The following TWIST2 variants were observed in gnomAD, a reference collection of about 807,000 sequenced individuals.
TWIST2 encodes the protein twist family bHLH transcription factor 2.
Under a neutral mutation model 11.6 loss-of-function variants are expected in TWIST2, and 1 was observed. The observed-to-expected ratio is 0.09, with a 90% CI of 0.03 to 0.41. The LOEUF is 0.41. Among genes scored for constraint, TWIST2 ranks in the 10% least tolerant of loss-of-function variants. The probability of loss-of-function intolerance (pLI) is 0.98; values close to 1 mark genes in which losing one functional copy is unlikely to be tolerated. For missense variants in TWIST2, 168 were observed against 226.4 expected (o/e 0.74, Z 1.66); for synonymous variants, 87 against 96.6 (o/e 0.90, Z 0.58).
intron 1 of TWIST2, among the ~76,000 whole-genome samples, chr2:238,872,645 G>A (rs1306762955): frequency 1.3e-5 from 2 of 152,212 alleles, no homozygotes; most frequent in South Asian, 2.1e-4. Context: ...TTGAAGCTGT[G>A]AGTTATTAAA....
At chr2:238,873,644 C>T (rs968834690) in intron 1 of TWIST2, among the ~76,000 whole-genome samples, 6 of 152,102 alleles carry the variant, frequency 3.9e-5, no homozygotes, top group South Asian at 2.1e-4. Flanking sequence ...CAGGTGGGTC[C>T]GAGCGCTCCT....
At chr2:238,883,126 C>A (rs1003517647) in intron 1 of TWIST2, among the ~76,000 whole-genome samples, 1 of 152,208 alleles carries the variant, frequency 6.6e-6, no homozygotes, top group Non-Finnish European at 1.5e-5. Context: ...TCTGAACCTC[C>A]ATTTTCTGCT....
At chr2:238,861,352 C>T (rs565664753) in intron 1 of TWIST2, among the ~76,000 whole-genome samples, 41 of 152,198 alleles carry the variant, frequency 2.7e-4, no homozygotes, top group African/African-American at 4.3e-4. Context: ...ACTTCTGCTT[C>T]GTGGTAACTA....
At chr2:238,894,203 C>T in intron 1 of TWIST2, among the ~76,000 whole-genome samples, 1 of 152,302 alleles carries the variant, frequency 6.6e-6, no homozygotes. Context: ...AAGCCCCCAC[C>T]CTCTTCCGGG....
At chr2:238,850,223 G>A (rs1039426367) in intron 1 of TWIST2, among the ~76,000 whole-genome samples, 1 of 152,186 alleles carries the variant, frequency 6.6e-6, no homozygotes, top group Non-Finnish European at 1.5e-5. Context: ...AAAATAACTT[G>A]TGGGAATCTT....
intron 1 of TWIST2, among the ~76,000 whole-genome samples, chr2:238,895,859 A>G (rs1054995271): frequency 3.3e-5 from 5 of 152,142 alleles, no homozygotes; most frequent in East Asian, 1.9e-4. Flanking sequence ...GGTCCGCTGC[A>G]GACAAGCTCG....
At chr2:238,896,735 G>T (rs1693211828) in intron 1 of TWIST2, among the ~76,000 whole-genome samples, 1 of 152,208 alleles carries the variant, frequency 6.6e-6, no homozygotes. Flanking sequence ...CTCCACAGGG[G>T]AATGGGGCCA....
At chr2:238,898,052 C>T (rs1232096254) in intron 1 of TWIST2, among the ~76,000 whole-genome samples, 2 of 152,228 alleles carry the variant, frequency 1.3e-5, no homozygotes, top group Non-Finnish European at 1.5e-5. Flanking sequence ...GCCCTCCTGC[C>T]TGCCTGAGAC....
chr2:238,889,910 T>A (rs1693102004), intron 1 of TWIST2, among the ~76,000 whole-genome samples: 1 of 152,234 alleles, frequency 6.6e-6, no homozygotes, highest in Non-Finnish European at 1.5e-5. Flanking sequence ...AGAACCCACA[T>A]GTCGGCGAGG....
At chr2:238,851,373 C>T (rs1309178504) in intron 1 of TWIST2, among the ~76,000 whole-genome samples, 1 of 152,184 alleles carries the variant, frequency 6.6e-6, no homozygotes, top group African/African-American at 2.4e-5. Context: ...AGAAAAATCT[C>T]AAAAGGATTT....
chr2:238,866,919 C>G lies in TWIST2; in HGVS notation c.*35+18186C>G, dbSNP rs1692549047. ...TTGTCATGTATCCGGATGCCCGGCTCAGCCCATGCCCTGCACAAGTGGGGG... is the reference window on the plus strand; with the variant it reads ...TTGTCATGTATCCGGATGCCCGGCTGAGCCCATGCCCTGCACAAGTGGGGG... On this transcript the variant is annotated intron_variant, in intron 1 of 1. Coordinates refer to ENST00000612363, the MANE Select transcript of TWIST2 (RefSeq NM_001271893.4). The surrounding 1 kb of genome is among the most constrained non-coding windows in gnomAD (Gnocchi z 4.9). Among the ~76,000 whole-genome samples, 1 of 152,214 alleles carries G rather than the reference C, an allele frequency of 6.6e-6. No individual in the cohort carries two copies. Among genetic ancestry groups the G allele is most frequent in the Non-Finnish European group, 1.5e-5 (1 of 68,040 alleles).
chr2:238,901,124 G>T (rs1693264446), intron 1 of TWIST2, among the ~76,000 whole-genome samples: 1 of 151,808 alleles, frequency 6.6e-6, no homozygotes, highest in South Asian at 2.1e-4. Context: ...TTACAGGTGT[G>T]TGCCAACCAT....
At chr2:238,901,101 G>A (rs1181743473) in intron 1 of TWIST2, among the ~76,000 whole-genome samples, 1 of 151,258 alleles carries the variant, frequency 6.6e-6, no homozygotes, top group Non-Finnish European at 1.5e-5. Context: ...CTCAGCCTCT[G>A]GAGTAGCTGG....
chr2:238,861,105 G>T (rs1000183923), intron 1 of TWIST2, among the ~76,000 whole-genome samples: 1 of 152,166 alleles, frequency 6.6e-6, no homozygotes, highest in Admixed American at 6.5e-5. Flanking sequence ...AGGACTGGCC[G>T]CCGGGGCCCT....
intron 1 of TWIST2, among the ~76,000 whole-genome samples, chr2:238,873,672 G>A (rs747654661): frequency 2.6e-5 from 4 of 152,192 alleles, no homozygotes; most frequent in Non-Finnish European, 4.4e-5. Flanking sequence ...CCCAATGCAC[G>A]GTGCCAGGGG....
intron 1 of TWIST2, among the ~76,000 whole-genome samples, chr2:238,898,222 C>T (rs1693227893): frequency 6.6e-6 from 1 of 152,240 alleles, no homozygotes; most frequent in Admixed American, 6.5e-5. Flanking sequence ...TGCCTCTAAC[C>T]AGCTGTGTGA....
rs558914385 is a variant in TWIST2, at chr2:238,866,180, G to C, written c.*35+17447G>C. On this transcript the variant is annotated intron_variant, in intron 1 of 1. Transcript: ENST00000612363. This position sits in a 1 kb window ranked among gnomAD's most constrained non-coding sequence, Gnocchi z 4.9. Reference sequence around the variant, plus strand: ...GCCAGGCCTGCCAGGCACCGCCCAGGTTCCCCATGGCACGGGCCCTGCCTG... The same window carrying C: ...GCCAGGCCTGCCAGGCACCGCCCAGCTTCCCCATGGCACGGGCCCTGCCTG... Among the ~76,000 whole-genome samples the C allele has an allele frequency of 5.9e-5, 9 of 152,308 alleles. No individual in the cohort carries two copies. The South Asian group carries it at 1.9e-3, about 32-fold the overall frequency.
intron 1 of TWIST2, among the ~76,000 whole-genome samples, chr2:238,895,426 C>T (rs920154191): frequency 3.8e-4 from 58 of 152,350 alleles, no homozygotes; most frequent in African/African-American, 1.2e-3. Flanking sequence ...GCCCGCAGGG[C>T]GGTTCGTGTT....
At chr2:238,875,259 A>G (rs1013048289) in intron 1 of TWIST2, among the ~76,000 whole-genome samples, 1 of 151,814 alleles carries the variant, frequency 6.6e-6, no homozygotes, top group African/African-American at 2.4e-5. Flanking sequence ...GGGGTGAGAT[A>G]TAGTGGACAC....
Sources: gnomAD v4.1 joint callset for allele counts (sites outside exome capture counted in the v4.1 genomes callset) on GRCh38, gnomAD v4.1.1 for gene constraint, Gnocchi (gnomAD v3.1) non-coding constraint, MANE v1.5 for transcripts, NCBI Gene and HGNC (gene_info 2026-07-23, HGNC 2026-07-21) for gene names.